LRRTM4: variants seen among roughly 807,000 people sequenced by gnomAD.
LRRTM4 encodes leucine rich repeat transmembrane neuronal 4.
LRRTM4 carries 25 observed loss-of-function variants against 47.6 expected under a neutral mutation model. The observed-to-expected ratio is 0.53, with a 90% CI of 0.38 to 0.73. The LOEUF is 0.73. Ranked by LOEUF, LRRTM4 falls within the 30% of genes least tolerant of loss-of-function variation. The probability of loss-of-function intolerance (pLI) is 0.00; values close to 1 mark genes in which losing one functional copy is unlikely to be tolerated. For missense variants in LRRTM4, 638 were observed against 713.4 expected (o/e 0.89, Z 1.20); for synonymous variants, 311 against 269.5 (o/e 1.15, Z -1.51).
At chr2:77,205,646 G>A (rs1445429576) in intron 3 of LRRTM4, among the ~76,000 whole-genome samples, 2 of 152,124 alleles carry the variant, frequency 1.3e-5, no homozygotes, top group African/African-American at 4.8e-5. Context: ...AGGGCCTTTG[G>A]ACTTAGAGCA....
chr2:76,921,632 G>C (rs1674436550), intron 3 of LRRTM4, among the ~76,000 whole-genome samples: 1 of 151,958 alleles, frequency 6.6e-6, no homozygotes, highest in Non-Finnish European at 1.5e-5. Context: ...ATACCATTAA[G>C]GACATTATAC....
At chr2:76,945,759 G>C (rs1413870821) in intron 3 of LRRTM4, among the ~76,000 whole-genome samples, 1 of 110,558 alleles carries the variant, frequency 9.0e-6, no homozygotes, top group African/African-American at 2.9e-5. Context: ...GTAGAAGTGT[G>C]TGTGTGTGTG....
intron 3 of LRRTM4, among the ~76,000 whole-genome samples, chr2:76,758,337 C>T (rs1429151128): frequency 6.6e-6 from 1 of 152,050 alleles, no homozygotes; most frequent in African/African-American, 2.4e-5. Context: ...TATCCTGTAC[C>T]TCTGTAAAGC....
intron 3 of LRRTM4, among the ~76,000 whole-genome samples, chr2:77,017,927 G>A (rs1005440332): frequency 5.9e-5 from 9 of 151,802 alleles, no homozygotes; most frequent in South Asian, 2.1e-4. Flanking sequence ...TAGCTCAAAC[G>A]AGATAAGATG....
At chr2:76,800,684 A>AAATTTTCAC (rs1357607434) in intron 3 of LRRTM4, among the ~76,000 whole-genome samples, 1 of 124,202 alleles carries the variant, frequency 8.1e-6, no homozygotes, top group African/African-American at 3.2e-5. Flanking sequence ...AAATGGGAGA[A>AAATTTTCAC]AATTTTCACA....
intron 3 of LRRTM4, among the ~76,000 whole-genome samples, chr2:77,179,023 G>A (rs1252091640): frequency 2.0e-5 from 3 of 152,034 alleles, no homozygotes; most frequent in Non-Finnish European, 2.9e-5. Flanking sequence ...TCAAATCATT[G>A]TATTTTAGCT....
In LRRTM4 at chr2:77,187,590, G is replaced by A. The variant is rs186299346; in HGVS notation, c.1551+330728C>T. 7.9e-5 allele frequency among the ~76,000 whole-genome samples: 12 copies of A among 151,834 alleles called. No individual in the cohort carries two copies. The East Asian group carries it at 9.7e-4, about 12-fold the overall frequency. ...GTATACATATGTAACAAACCTGCACGTTGTGTACATGTACCCTAAAACTTA... is the reference window on the plus strand; with the variant it reads ...GTATACATATGTAACAAACCTGCACATTGTGTACATGTACCCTAAAACTTA... On this transcript the variant is annotated intron_variant, in intron 3 of 3. Coordinates refer to ENST00000409884, the MANE Select transcript of LRRTM4 (RefSeq NM_001134745.3).
At chr2:76,754,082 A>T (rs1240182588) in intron 3 of LRRTM4, among the ~76,000 whole-genome samples, 1 of 152,198 alleles carries the variant, frequency 6.6e-6, no homozygotes, top group African/African-American at 2.4e-5. Context: ...TCAGAATTAA[A>T]GGATAGTGTC....
intron 3 of LRRTM4, among the ~76,000 whole-genome samples, chr2:77,421,374 T>G (rs574761361): frequency 6.6e-6 from 1 of 152,180 alleles, no homozygotes; most frequent in Non-Finnish European, 1.5e-5. Context: ...GATACCATTT[T>G]AGTTGTCACA....
rs186195164 is a variant in LRRTM4 at position 76,748,146 on chromosome 2, T to C, written c.*549A>G. On this transcript the variant is annotated 3_prime_UTR_variant, in exon 4 of 4. Coordinates refer to ENST00000409884, the MANE Select transcript of LRRTM4 (RefSeq NM_001134745.3). ...CAACATAAGCTTTAATGCTCATGTT[T>C]TGTATTAGAAACTTGACCAGGAAAG... 6.5e-6 allele frequency: 1 copy of C among 153,256 alleles called. No homozygotes were observed. Among genetic ancestry groups the C allele is most frequent in the East Asian group, 1.9e-4 (1 of 5,184 alleles). 9.5% of individuals were successfully genotyped at this position (153,256 alleles called of 1,614,324 possible).
intron 3 of LRRTM4, among the ~76,000 whole-genome samples, chr2:77,447,649 C>G (rs771494136): frequency 2.0e-5 from 3 of 152,164 alleles, no homozygotes; most frequent in African/African-American, 4.8e-5. Flanking sequence ...CCATTCAACA[C>G]GTATGCAACT....
chr2:76,835,096 T>A (rs1374076872), intron 3 of LRRTM4, among the ~76,000 whole-genome samples: 1 of 152,132 alleles, frequency 6.6e-6, no homozygotes, highest in African/African-American at 2.4e-5. Context: ...AATTTATTCT[T>A]TGTGCATGAT....
chr2:76,915,656 A>G (rs1420002836), intron 3 of LRRTM4, among the ~76,000 whole-genome samples: 1 of 152,178 alleles, frequency 6.6e-6, no homozygotes, highest in Non-Finnish European at 1.5e-5. Flanking sequence ...TAGCTGATGG[A>G]AACTATCTTC....
intron 3 of LRRTM4, among the ~76,000 whole-genome samples, chr2:77,202,663 T>C (rs1674009875): frequency 1.3e-5 from 2 of 152,124 alleles, no homozygotes; most frequent in Admixed American, 1.3e-4. Context: ...CACTGTGCTA[T>C]ACTAGATGAA....
chr2:77,489,220 T>C (rs1678044938), intron 3 of LRRTM4, among the ~76,000 whole-genome samples: 1 of 152,170 alleles, frequency 6.6e-6, no homozygotes, highest in African/African-American at 2.4e-5. Context: ...GACTATAATC[T>C]GTCTGAACCT....
At chr2:77,040,141 T>C (rs1678976211) in intron 3 of LRRTM4, among the ~76,000 whole-genome samples, 1 of 151,272 alleles carries the variant, frequency 6.6e-6, no homozygotes, top group African/African-American at 2.4e-5. Flanking sequence ...TCCAAATCCA[T>C]GAATCCATAT....
At chr2:76,886,130 C>T (rs1338732050) in intron 3 of LRRTM4, among the ~76,000 whole-genome samples, 4 of 151,976 alleles carry the variant, frequency 2.6e-5, no homozygotes, top group African/African-American at 9.7e-5. Flanking sequence ...TAAAGAAAAG[C>T]AAAAACTGAC....
intron 3 of LRRTM4, among the ~76,000 whole-genome samples, chr2:76,879,393 C>A (rs891158160): frequency 6.6e-6 from 1 of 152,170 alleles, no homozygotes; most frequent in Non-Finnish European, 1.5e-5. Flanking sequence ...AAGAATTATA[C>A]TAAAACTACT....
At chr2:77,451,589 A>C (rs1676255916) in intron 3 of LRRTM4, among the ~76,000 whole-genome samples, 1 of 152,240 alleles carries the variant, frequency 6.6e-6, no homozygotes, top group South Asian at 2.1e-4. Flanking sequence ...GGTCTACACT[A>C]TACTTGTAAT....
Sources: gnomAD v4.1 joint callset for allele counts (sites outside exome capture counted in the v4.1 genomes callset) on GRCh38, gnomAD v4.1.1 for gene constraint, MANE v1.5 for transcripts, NCBI Gene and HGNC (gene_info 2026-07-23, HGNC 2026-07-21) for gene names.